The following STXBP5L variants were observed in gnomAD, a reference collection of about 807,000 sequenced individuals.
STXBP5L encodes the protein syntaxin-binding protein 5-like.
A neutral mutation model predicts 144.5 loss-of-function variants in STXBP5L; 65 were observed. That is an observed-to-expected ratio of 0.45 (90% CI 0.37 to 0.55). The LOEUF is 0.55. Among genes scored for constraint, STXBP5L ranks in the 20% least tolerant of loss-of-function variants. STXBP5L has a pLI of 0.00. For synonymous variants in STXBP5L, 505 were observed against 469.6 expected, an observed-to-expected ratio of 1.08 and a Z score of -0.97; for missense variants, 1,298 against 1,405.5, an observed-to-expected ratio of 0.92 and a Z score of 1.22.
intron 5 of STXBP5L, among the ~76,000 whole-genome samples, chr3:121,053,792 T>C (rs1232500295): frequency 2.0e-5 from 3 of 151,466 alleles, no homozygotes; most frequent in African/African-American, 4.9e-5. Flanking sequence ...ACCATCAGAG[T>C]GAACAGGCAA....
chr3:121,003,465 T>G (rs1303209664), intron 3 of STXBP5L, among the ~76,000 whole-genome samples: 3 of 152,358 alleles, frequency 2.0e-5, no homozygotes, highest in African/African-American at 4.8e-5. Context: ...CTTTGTCAGA[T>G]GAGTAGATTG....
At position 121,246,622 on chromosome 3, in the gene STXBP5L, A is replaced by G. The variant is rs565706902; in HGVS notation, c.1401-4101A>G. ...AAAATATCTATAAGTTTATAATTAG[A>G]GTAAACATACAAAGTCATTCATAGC... On this transcript the variant is annotated intron_variant, in intron 14 of 26. Transcript: ENST00000471454. 5.9e-5 allele frequency among the ~76,000 whole-genome samples: 9 copies of G among 152,360 alleles called. No homozygotes were observed. The East Asian group carries it at 1.7e-3, about 29-fold the overall frequency.
intron 3 of STXBP5L, among the ~76,000 whole-genome samples, chr3:120,985,007 A>G (rs1942161342): frequency 6.6e-6 from 1 of 152,100 alleles, no homozygotes; most frequent in Non-Finnish European, 1.5e-5. Flanking sequence ...TCAGGAATAA[A>G]TCCCACTTGG....
intron 19 of STXBP5L, among the ~76,000 whole-genome samples, chr3:121,303,367 G>C (rs1422340204): frequency 1.3e-5 from 2 of 152,028 alleles, no homozygotes; most frequent in East Asian, 3.9e-4. Context: ...TCATTAAAAA[G>C]TCAGGAAACA....
intron 22 of STXBP5L, among the ~76,000 whole-genome samples, chr3:121,400,556 C>A (rs1046936302): frequency 1.3e-5 from 2 of 152,128 alleles, no homozygotes; most frequent in Non-Finnish European, 2.9e-5. Context: ...GGTCTTATTG[C>A]TGTAAAGAGG....
intron 20 of STXBP5L, among the ~76,000 whole-genome samples, chr3:121,353,978 A>G (rs1049227860): frequency 1.1e-4 from 16 of 152,054 alleles, no homozygotes; most frequent in Admixed American, 6.6e-4. Flanking sequence ...CAGTTTCCAA[A>G]TAGTTGAGCA....
At chr3:121,054,357 A>T (rs142919056) in intron 5 of STXBP5L, among the ~76,000 whole-genome samples, 3 of 152,050 alleles carry the variant, frequency 2.0e-5, no homozygotes, top group African/African-American at 4.8e-5. Context: ...TCCAACAACG[A>T]TAGACTGGAT....
intron 5 of STXBP5L, among the ~76,000 whole-genome samples, chr3:121,050,797 A>G (rs955043252): frequency 6.6e-6 from 1 of 152,230 alleles, no homozygotes; most frequent in Non-Finnish European, 1.5e-5. Context: ...GGCAAATTGG[A>G]TAAAGAGTCA....
chr3:121,303,269 A>T (rs1442927470), intron 19 of STXBP5L, among the ~76,000 whole-genome samples: 1 of 152,146 alleles, frequency 6.6e-6, no homozygotes, highest in Admixed American at 6.5e-5. Context: ...CAAAAGACAC[A>T]TGAAAAAATG....
intron 18 of STXBP5L, among the ~76,000 whole-genome samples, chr3:121,276,527 A>G (rs944785075): frequency 2.6e-5 from 4 of 151,870 alleles, no homozygotes; most frequent in Admixed American, 2.6e-4. Context: ...TTATTTTTGT[A>G]ACCCATTTAT....
chr3:121,367,608 T>TTG (rs1553778560), intron 20 of STXBP5L, among the ~76,000 whole-genome samples: 2 of 141,124 alleles, frequency 1.4e-5, no homozygotes, highest in African/African-American at 5.3e-5. Context: ...TTTTTTTTTT[T>TTG]TTTTTTTTTT....
At chr3:121,191,665 G>GGAAT (rs1208583186) in intron 9 of STXBP5L, among the ~76,000 whole-genome samples, 2 of 152,142 alleles carry the variant, frequency 1.3e-5, no homozygotes, top group Non-Finnish European at 2.9e-5. Context: ...CCGTGAGCAT[G>GGAAT]GAATGTTCTT....
chr3:121,262,633 G>A (rs903444770), intron 18 of STXBP5L, among the ~76,000 whole-genome samples: 3 of 151,946 alleles, frequency 2.0e-5, no homozygotes, highest in Non-Finnish European at 4.4e-5. Flanking sequence ...AAAAAAAAAA[G>A]TCACCTGAAT....
chr3:121,213,511 C>T (rs749360425), intron 10 of STXBP5L, among the ~76,000 whole-genome samples: 13 of 152,220 alleles, frequency 8.5e-5, no homozygotes, highest in Admixed American at 1.3e-4. Context: ...TGATGGATTA[C>T]GTTTATTGAT....
chr3:121,292,190 C>T (rs766914607), intron 19 of STXBP5L, among the ~76,000 whole-genome samples: 2 of 151,922 alleles, frequency 1.3e-5, no homozygotes, highest in Non-Finnish European at 2.9e-5. Context: ...GAACTCAAAT[C>T]AGCCAGAAAA....
At chr3:120,998,609 A>G (rs1021171418) in intron 3 of STXBP5L, among the ~76,000 whole-genome samples, 3 of 151,996 alleles carry the variant, frequency 2.0e-5, no homozygotes, top group Non-Finnish European at 4.4e-5. Flanking sequence ...TTCAACTCCT[A>G]ATTAGGAGTG....
intron 2 of STXBP5L, among the ~76,000 whole-genome samples, chr3:120,949,405 A>G (rs1273232848): frequency 6.6e-6 from 1 of 152,054 alleles, no homozygotes; most frequent in Admixed American, 6.6e-5. Flanking sequence ...GCTGTGCAGA[A>G]GCTTTTTAGT....
rs1576634294 is a variant in STXBP5L at position 121,005,149 on chromosome 3, T to C, written c.288-36551T>C. 2.0e-5 allele frequency among the ~76,000 whole-genome samples: 3 copies of C among 152,350 alleles called. 1 individual carries two copies. In the South Asian group the frequency reaches 6.2e-4, roughly 32 times the overall value. ...TGTTACCAGCTCCTCCTTGTAACTCTGGTAGAATTTGGCTGTGAATCCATC... is the reference window on the plus strand; with the variant it reads ...TGTTACCAGCTCCTCCTTGTAACTCCGGTAGAATTTGGCTGTGAATCCATC... On this transcript the variant is annotated intron_variant, in intron 3 of 26. Transcript: ENST00000471454.
At chr3:121,325,831 G>A (rs2044125733) in intron 20 of STXBP5L, among the ~76,000 whole-genome samples, 1 of 151,558 alleles carries the variant, frequency 6.6e-6, no homozygotes, top group Non-Finnish European at 1.5e-5. Context: ...TACTATTATT[G>A]TTCTTATTTT....
Sources: allele counts gnomAD v4.1 joint callset (sites outside exome capture counted in the v4.1 genomes callset), GRCh38; gene constraint gnomAD v4.1.1; transcripts MANE v1.5; gene names NCBI Gene and HGNC (gene_info 2026-07-23, HGNC 2026-07-21).